ZFYVE16: variants seen among roughly 807,000 people sequenced by gnomAD.
ZFYVE16 encodes zinc finger FYVE domain-containing protein 16.
ZFYVE16 carries 89 observed loss-of-function variants against 138.1 expected under a neutral mutation model. The observed-to-expected ratio is 0.64, with a 90% CI of 0.54 to 0.77. The LOEUF is 0.77. Among genes scored for constraint, ZFYVE16 ranks in the 30% least tolerant of loss-of-function variants. The pLI is 0.00. For missense variants in ZFYVE16, 1,793 were observed against 1,786.7 expected, an observed-to-expected ratio of 1.00 and a Z score of -0.06; for synonymous variants, 596 against 618.3, an observed-to-expected ratio of 0.96 and a Z score of 0.53.
intron 1 of ZFYVE16, among the ~76,000 whole-genome samples, chr5:80,423,416 C>T (rs1747529218): frequency 6.6e-6 from 1 of 152,016 alleles, no homozygotes; most frequent in Admixed American, 6.6e-5. Flanking sequence ...TGTTAATTAG[C>T]CTGGTTTATC....
rs763438098 is a variant in ZFYVE16, at chr5:80,436,880, T to A, written c.195T>A (p.Ser65Arg). The A allele has an allele frequency of 6.2e-7, 1 of 1,614,150 alleles. No individual in the cohort carries two copies. The highest frequency in any genetic ancestry group is 8.5e-7 in the Non-Finnish European group (1 of 1,180,016). The stretch of plus-strand genomic sequence containing the variant: ...CAAAAGACCAAGAGTGCGTTAATAG[T>A]TGTGCCTCATCAGAAACAAGCTATG... ...LLPKDQECVN[S>R]CASSETSYGT... The change falls in exon 4 of 19, where the codon AGT becomes AGA. Residue 65 changes from serine (S) to arginine (R), a missense_variant. Ser to Arg is a moderately radical substitution (Grantham distance 110, BLOSUM62 -1). This residue lies in a region of ZFYVE16 where 1,295 missense variants were observed against 1,204.3 expected (regional missense o/e 1.08). Coordinates refer to ENST00000505560, the MANE Select transcript of ZFYVE16 (RefSeq NM_001284236.3).
chr5:80,463,583 G>C (rs1753367892), intron 15 of ZFYVE16, among the ~76,000 whole-genome samples: 1 of 152,142 alleles, frequency 6.6e-6, no homozygotes, highest in Non-Finnish European at 1.5e-5. Context: ...TTAATGTTTG[G>C]CTTCTCATTA....
chr5:80,437,793 G>C lies in ZFYVE16; in HGVS notation c.1108G>C (p.Asp370His), dbSNP rs541243558. Reference sequence around the variant, plus strand: ...TTCAGCTTTACATGTTTCCAGTAAAGATGTGCCGTCCTCATTGTCCTGTCT... The same window carrying C: ...TTCAGCTTTACATGTTTCCAGTAAACATGTGCCGTCCTCATTGTCCTGTCT... Reference protein sequence around the residue: ...SSSALHVSSKDVPSSLSCLPA... With the variant: ...SSSALHVSSKHVPSSLSCLPA... Residue 370 changes from aspartate (D) to histidine (H), a missense_variant, in exon 4 of 19, where the codon GAT (aspartate) becomes CAT (histidine). This residue lies in a region of ZFYVE16 where 1,295 missense variants were observed against 1,204.3 expected (regional missense o/e 1.08). Coordinates refer to ENST00000505560, the MANE Select transcript of ZFYVE16 (RefSeq NM_001284236.3). The C allele has an allele frequency of 4.3e-6, 7 of 1,613,950 alleles. No individual in the cohort carries two copies. The highest frequency in any genetic ancestry group is 5.9e-6 in the Non-Finnish European group (7 of 1,179,986).
At chr5:80,459,534 AT>A in intron 15 of ZFYVE16, 40 bp downstream of exon 15, 2 of 1,541,566 alleles carry the variant, frequency 1.3e-6, no homozygotes, top group Non-Finnish European at 8.9e-7. Context: ...ATGTAGAGTT[AT>A]TTTTCCTAAC....
In ZFYVE16 at chr5:80,479,982, C is replaced by T. The variant is rs1027993366; in HGVS notation, c.*2605C>T. On this transcript the variant is annotated 3_prime_UTR_variant, in exon 19 of 19. Transcript: ENST00000505560. ...AGCACTGAGCTTCCTTTAAGGTGTT[C>T]CCACACTAGTAATGCCTCCAGGTGA... Among the ~76,000 whole-genome samples, 1 of 152,120 alleles carries T rather than the reference C, an allele frequency of 6.6e-6. No homozygotes were observed. The highest frequency in any genetic ancestry group is 2.4e-5 in the African/African-American group (1 of 41,406).
Position 80,477,464 on chromosome 5 carries a change from G to C in ZFYVE16, c.*87G>C. ...AGCTGAAATGCCACAAACACTAAAA[G>C]TATAAATATGTCTGATTTTTGAAAC... On this transcript the variant is annotated 3_prime_UTR_variant, in exon 19 of 19. Transcript: ENST00000505560. 1 of 1,250,150 alleles carries C rather than the reference G, an allele frequency of 8.0e-7. No individual in the cohort carries two copies. The highest frequency in any genetic ancestry group is 1.1e-6 in the Non-Finnish European group (1 of 932,084). The allele number at this position is 1,250,150 out of a possible 1,614,324, so 77.4% of individuals were successfully genotyped here.
At chr5:80,419,224 G>A (rs906040334) in intron 1 of ZFYVE16, among the ~76,000 whole-genome samples, 2 of 151,700 alleles carry the variant, frequency 1.3e-5, no homozygotes, top group Admixed American at 6.6e-5. Flanking sequence ...GACTACAGGC[G>A]CATGGCACCA....
rs550556136 is a variant in ZFYVE16, at chr5:80,421,469, T to TG, written c.-93-6023_-93-6022insG. Among the ~76,000 whole-genome samples the TG allele has an allele frequency of 1.3e-3, 201 of 152,156 alleles. 1 individual carries two copies. The highest frequency in any genetic ancestry group is 3.9e-3 in the African/African-American group (162 of 41,556). On this transcript the variant is annotated intron_variant, in intron 1 of 18. Transcript: ENST00000505560. ...CTTTAGTCCATCTTAAATTAATTTT[T>TG]TATAAGGTGTAAGGAAGGGATCCAG...
intron 7 of ZFYVE16, among the ~76,000 whole-genome samples, chr5:80,446,666 G>C (rs1331934561): frequency 6.6e-6 from 1 of 152,050 alleles, no homozygotes; most frequent in Non-Finnish European, 1.5e-5. Flanking sequence ...CCAGTGGTAT[G>C]GGGAAATGTA....
intron 1 of ZFYVE16, among the ~76,000 whole-genome samples, chr5:80,421,842 G>A (rs1747241085): frequency 6.6e-6 from 1 of 152,126 alleles, no homozygotes; most frequent in Non-Finnish European, 1.5e-5. Flanking sequence ...GAAAGTCATT[G>A]GTAGCTTGAT....
chr5:80,461,833 G>T (rs1293145872), intron 15 of ZFYVE16, among the ~76,000 whole-genome samples: 1 of 152,038 alleles, frequency 6.6e-6, no homozygotes, highest in African/African-American at 2.4e-5. Context: ...TTGGTCAGGC[G>T]TGGTGGCGGG....
At chr5:80,440,661 T>G (rs1750584037) in intron 5 of ZFYVE16, 1 of 830,402 alleles carries the variant, frequency 1.2e-6, no homozygotes, top group Non-Finnish European at 1.4e-6. Flanking sequence ...CTCACAGGTG[T>G]GTGTGTGTGT....
chr5:80,437,039 T>C lies in ZFYVE16; in HGVS notation c.354T>C (p.Tyr118=), dbSNP rs1305890358. 1.2e-6 allele frequency: 2 copies of C among 1,614,222 alleles called. No individual in the cohort carries two copies. Among genetic ancestry groups the C allele is most frequent in the Middle Eastern group, 1.6e-4 (1 of 6,062 alleles). Residue 118 remains tyrosine, a synonymous_variant, in exon 4 of 19, where the codon TAT becomes TAC. Transcript: ENST00000505560. ...GGTSDEIQPL[Y]MGRCSKPICD... ...CTTCAGATGAAATCCAGCCGTTATA[T>C]ATGGGACGATGTAGTAAACCTATCT...
rs182782072 is a variant in ZFYVE16, at chr5:80,465,197, G to A, written c.4024+5703G>A. On this transcript the variant is annotated intron_variant, in intron 15 of 18. Coordinates refer to ENST00000505560, the MANE Select transcript of ZFYVE16 (RefSeq NM_001284236.3). ...ATTTAAGTGTGAGGGACTTCCTTTAGTATTTCTTGTACTTGAAGTGTGCCA... is the reference window on the plus strand; with the variant it reads ...ATTTAAGTGTGAGGGACTTCCTTTAATATTTCTTGTACTTGAAGTGTGCCA... Among the ~76,000 whole-genome samples, 261 of 151,952 alleles carry A rather than the reference G, an allele frequency of 1.7e-3. 1 individual carries two copies. The highest frequency in any genetic ancestry group is 1.8e-3 in the Non-Finnish European group (121 of 67,934).
intron 9 of ZFYVE16, among the ~76,000 whole-genome samples, chr5:80,449,985 A>G (rs1326700478): frequency 6.6e-6 from 1 of 152,200 alleles, no homozygotes; most frequent in African/African-American, 2.4e-5. Context: ...TCATGATACA[A>G]TTGACTATAT....
intron 14 of ZFYVE16, among the ~76,000 whole-genome samples, chr5:80,459,169 C>A (rs554608736): frequency 1.3e-5 from 2 of 152,218 alleles, no homozygotes; most frequent in Non-Finnish European, 2.9e-5. Flanking sequence ...CTCAGGTGAT[C>A]TGCCCTTTTC....
chr5:80,429,238 C>T (rs1401740007), intron 2 of ZFYVE16, among the ~76,000 whole-genome samples: 1 of 152,200 alleles, frequency 6.6e-6, no homozygotes, highest in South Asian at 2.1e-4. Context: ...GGAAGCCCAT[C>T]AGATTAACAG....
intron 1 of ZFYVE16, among the ~76,000 whole-genome samples, chr5:80,423,509 A>G (rs1463148479): frequency 6.6e-6 from 1 of 151,984 alleles, no homozygotes; most frequent in Non-Finnish European, 1.5e-5. Flanking sequence ...TTTAAATTCC[A>G]TTGATTTCTG....
At chr5:80,473,993 G>A (rs1427934481) in intron 17 of ZFYVE16, 134 bp downstream of exon 17, 7 of 611,140 alleles carry the variant, frequency 1.1e-5, no homozygotes, top group Non-Finnish European at 1.6e-5. Flanking sequence ...TGAGACATAC[G>A]CATTTCCACC....
Sources: gnomAD v4.1 joint callset for allele counts (sites outside exome capture counted in the v4.1 genomes callset) on GRCh38, gnomAD v4.1.1 for gene constraint, gnomAD v4.1.1 regional missense constraint, MANE v1.5 for transcripts, NCBI Gene and HGNC (gene_info 2026-07-23, HGNC 2026-07-21) for gene names.